Variants in GZMA observed in about 807,000 individuals in gnomAD.
GZMA encodes CTL tryptase.
A neutral mutation model predicts 21.1 loss-of-function variants in GZMA; 17 were observed. That is an observed-to-expected ratio of 0.81 (90% confidence interval 0.55 to 1.21). GZMA has a LOEUF of 1.21. Ranked by LOEUF, GZMA falls within the 50% of genes most tolerant of loss-of-function variation. GZMA has a pLI of 0.00. For missense variants in GZMA, 306 were observed against 315.9 expected, an observed-to-expected ratio of 0.97 and a Z score of 0.24; for synonymous variants, 90 against 107.8, an observed-to-expected ratio of 0.83 and a Z score of 1.03.
At chr5:55,104,219 CTT>C (rs1164202992) in intron 1 of GZMA, among the ~76,000 whole-genome samples, 1 of 152,208 alleles carries the variant, frequency 6.6e-6, no homozygotes, top group African/African-American at 2.4e-5. Flanking sequence ...CTGTGCTCCT[CTT>C]TGTTTCCTGT....
chr5:55,109,710 T>C (rs1273535670), intron 4 of GZMA, among the ~76,000 whole-genome samples: 1 of 152,248 alleles, frequency 6.6e-6, no homozygotes, highest in East Asian at 1.9e-4. Context: ...CCTTGAGTTA[T>C]TAAGCATTTT....
In GZMA at chr5:55,105,629, G is replaced by C. The variant is rs1408369404; in HGVS notation, c.215+11G>C. On this transcript the variant is annotated intron_variant, in intron 2 of 4. Coordinates refer to ENST00000274306, the MANE Select transcript of GZMA (RefSeq NM_006144.4). ...AGCTCACTGTAACTTGTAAGTGCCT[G>C]GGTTTTTAAAAAAAAGTTTGTAAAG... is the stretch of plus-strand genomic sequence containing the variant. The C allele has an allele frequency of 3.7e-6, 6 of 1,609,754 alleles. No individual in the cohort carries two copies. The East Asian group carries it at 1.1e-4, about 30-fold the overall frequency.
At chr5:55,106,491 G>A (rs1235894566) in intron 2 of GZMA, among the ~76,000 whole-genome samples, 1 of 152,062 alleles carries the variant, frequency 6.6e-6, no homozygotes, top group Admixed American at 6.6e-5. Flanking sequence ...GCATCCACAA[G>A]CTCTTTCTGT....
chr5:55,107,695 C>G, intron 2 of GZMA, 99 bp from the exon 3 acceptor site: 1 of 765,340 alleles, frequency 1.3e-6, no homozygotes, highest in South Asian at 2.6e-5. Flanking sequence ...ATCTCCCCAC[C>G]TCCATATTTA....
Position 55,105,619 on chromosome 5 carries a change from G to GT in GZMA, c.215+2dup. ...TGTTGACTGCAGCTCACTGTAACTT[G>GT]TAAGTGCCTGGGTTTTTAAAAAAAA... On this transcript the variant is annotated splice_donor_variant, in intron 2 of 4. Coordinates refer to ENST00000274306, the MANE Select transcript of GZMA (RefSeq NM_006144.4). LOFTEE classifies it high-confidence loss of function. 6.2e-7 allele frequency: 1 copy of GT among 1,611,884 alleles called. No individual in the cohort carries two copies. The highest frequency in any genetic ancestry group is 1.3e-5 in the African/African-American group (1 of 74,940).
intron 4 of GZMA, among the ~76,000 whole-genome samples, chr5:55,108,921 C>T (rs536726050): frequency 6.6e-6 from 1 of 152,308 alleles, no homozygotes; most frequent in East Asian, 1.9e-4. Context: ...CAAAGCATGA[C>T]TCATACCAGA....
Position 55,108,334 on chromosome 5 carries a change from T to C in GZMA, c.567T>C (p.Pro189=). 1 of 1,612,900 alleles carries C rather than the reference T, an allele frequency of 6.2e-7. No homozygotes were observed. Among genetic ancestry groups the C allele is most frequent in the Non-Finnish European group, 8.5e-7 (1 of 1,178,948 alleles). ...CNDRNHYNFN[P]VIGMNMVCAG... ...ATCGAAATCACTATAATTTTAACCC[T>C]GTGATTGGAATGAATATGGTTTGTG... The change falls in exon 4 of 5, where the codon CCT becomes CCC. Residue 189 remains proline, a synonymous_variant. Transcript: ENST00000274306.
chr5:55,103,699 C>G (rs1259650869), intron 1 of GZMA, among the ~76,000 whole-genome samples: 1 of 152,082 alleles, frequency 6.6e-6, no homozygotes, highest in Non-Finnish European at 1.5e-5. Context: ...CAGGAATTCC[C>G]AAAGAACTCT....
chr5:55,106,177 T>TA (rs59635480), intron 2 of GZMA, among the ~76,000 whole-genome samples: 1 of 432 alleles, frequency 2.3e-3, no homozygotes, highest in Non-Finnish European at 4.6e-3. Context: ...TAAAATAAAA[T>TA]AAAAAAATAA....
rs754605697 is a variant in GZMA, at chr5:55,110,054, G to A, written c.661G>A (p.Val221Ile). The change falls in exon 5 of 5, where the codon GTT becomes ATT. Residue 221 changes from valine (V) to isoleucine (I), a missense_variant. By Grantham distance (29) the Val-to-Ile change is conservative. Transcript: ENST00000274306. ...TGGAAGCCCTTTGTTGTGCGAGGGT[G>A]TTTTCCGAGGGGTCACTTCCTTTGG... ...DSGSPLLCEG[V>I]FRGVTSFGLE... is the part of the protein sequence containing the mutation. The A allele has an allele frequency of 6.2e-6, 10 of 1,612,140 alleles. No individual in the cohort carries two copies. Among genetic ancestry groups the A allele is most frequent in the African/African-American group, 4.0e-5 (3 of 74,880 alleles).
intron 1 of GZMA, 146 bp downstream of exon 1, chr5:55,102,898 A>T (rs1454966473): frequency 3.1e-6 from 2 of 647,826 alleles, no homozygotes; most frequent in Non-Finnish European, 5.6e-6. Context: ...ACAATGGCAC[A>T]TGCCTGTAGT....
Position 55,110,001 on chromosome 5 carries a change from C to A in GZMA, c.628-20C>A. On this transcript the variant is annotated intron_variant, in intron 4 of 4. Transcript: ENST00000274306. Reference sequence around the variant, plus strand: ...TGCTGAACACTGACCCCACACCCTACCCCTCTTGTTTTCCTCCAGGGAGAT... The same window carrying A: ...TGCTGAACACTGACCCCACACCCTAACCCTCTTGTTTTCCTCCAGGGAGAT... The A allele has an allele frequency of 6.4e-7, 1 of 1,574,208 alleles. No individual in the cohort carries two copies. The highest frequency in any genetic ancestry group is 1.2e-5 in the South Asian group (1 of 83,294).
chr5:55,108,315 AT>A lies in GZMA; in HGVS notation c.549del (p.His184ThrfsTer7). 1 of 1,613,628 alleles carries A rather than the reference AT, an allele frequency of 6.2e-7. No homozygotes were observed. Among genetic ancestry groups the A allele is most frequent in the Non-Finnish European group, 8.5e-7 (1 of 1,179,554 alleles). The part of the protein sequence containing the change: ...IIDRKVCNDR[N>X]HYNFNPVIGM... ...GACAGAAAAGTCTGCAATGATCGAA[AT>A]CACTATAATTTTAACCCTGTGATTG... On this transcript the variant is annotated frameshift_variant, in exon 4 of 5. Coordinates refer to ENST00000274306, the MANE Select transcript of GZMA (RefSeq NM_006144.4). LOFTEE classifies it high-confidence loss of function.
intron 1 of GZMA, among the ~76,000 whole-genome samples, chr5:55,103,144 A>G (rs1742332123): frequency 1.3e-5 from 2 of 152,200 alleles, no homozygotes; most frequent in Admixed American, 1.3e-4. Flanking sequence ...GAAAATTGCC[A>G]AAAAGGACAA....
intron 2 of GZMA, among the ~76,000 whole-genome samples, chr5:55,106,776 A>G (rs974710372): frequency 1.3e-5 from 2 of 152,096 alleles, no homozygotes; most frequent in Non-Finnish European, 2.9e-5. Flanking sequence ...TCTCTAAATC[A>G]AGCCTCTAAA....
chr5:55,110,160 T>C lies in GZMA; in HGVS notation c.767T>C (p.Met256Thr). Residue 256 changes from methionine to threonine, a missense_variant, in exon 5 of 5, where the codon ATG becomes ACG. Met to Thr is a moderately conservative substitution (Grantham distance 81). Coordinates refer to ENST00000274306, the MANE Select transcript of GZMA (RefSeq NM_006144.4). ...AAGAAACACCTCAACTGGATAATTA[T>C]GACTATCAAGGGAGCAGTTTAAATA... is the stretch of plus-strand genomic sequence containing the variant. ...LSKKHLNWII[M>T]TIKGAV 2 of 1,604,282 alleles carry C rather than the reference T, an allele frequency of 1.2e-6. No homozygotes were observed. The highest frequency in any genetic ancestry group is 8.5e-7 in the Non-Finnish European group (1 of 1,175,680).
chr5:55,108,030 A>C, intron 3 of GZMA, 95 bp downstream of exon 3: 1 of 1,409,140 alleles, frequency 7.1e-7, no homozygotes, highest in Non-Finnish European at 9.9e-7. Context: ...TGTTGTAAAA[A>C]CTCACAATAA....
At chr5:55,106,844 A>G (rs1561280228) in intron 2 of GZMA, among the ~76,000 whole-genome samples, 1 of 152,218 alleles carries the variant, frequency 6.6e-6, no homozygotes, top group African/African-American at 2.4e-5. Context: ...ATTTCAATCA[A>G]TTAAAGTTAA....
intron 2 of GZMA, among the ~76,000 whole-genome samples, chr5:55,106,286 T>C (rs1308725162): frequency 0.011 from 15 of 1,400 alleles, 7 homozygotes; most frequent in East Asian, 0.33. Context: ...TAAAATAAAA[T>C]AAAATAAAAT....
Sources: allele counts gnomAD v4.1 joint callset (sites outside exome capture counted in the v4.1 genomes callset), GRCh38; gene constraint gnomAD v4.1.1; transcripts MANE v1.5; gene names NCBI Gene and HGNC (gene_info 2026-07-23, HGNC 2026-07-21).